The following PHACTR1 variants were observed in gnomAD, a reference collection of about 807,000 sequenced individuals.
PHACTR1 encodes phosphatase and actin regulator 1.
Under a neutral mutation model 69.2 loss-of-function variants are expected in PHACTR1, and 16 were observed. That is an observed-to-expected ratio of 0.23 (90% CI 0.16 to 0.35). The LOEUF (loss-of-function observed/expected upper bound fraction) is 0.35. PHACTR1 is among the 10% of genes least tolerant of loss of function. The probability of loss-of-function intolerance (pLI) is 1.00; values close to 1 mark genes in which losing one functional copy is unlikely to be tolerated. For missense variants in PHACTR1, 510 were observed against 734.7 expected (o/e 0.69, Z 3.54); for synonymous variants, 312 against 284.5 (o/e 1.10, Z -0.97).
intron 4 of PHACTR1, among the ~76,000 whole-genome samples, chr6:13,011,736 A>T (rs184588318): frequency 6.6e-6 from 1 of 152,384 alleles, no homozygotes; most frequent in Non-Finnish European, 1.5e-5. Flanking sequence ...ATACACATTT[A>T]CGGAAACATG....
intron 3 of PHACTR1, among the ~76,000 whole-genome samples, chr6:12,747,889 A>C (rs1048178247): frequency 6.6e-6 from 1 of 152,148 alleles, no homozygotes; most frequent in Admixed American, 6.5e-5. Context: ...AGGGCTCTTA[A>C]TGCCAGCATA....
rs567532544 is a variant in PHACTR1, at chr6:12,818,965, G to C, written c.250+69175G>C. On this transcript the variant is annotated intron_variant, in intron 4 of 14. Transcript: ENST00000332995. ...CCAGAAATGTCTTTGCAGGAGATAT[G>C]AGCTGGAAATAAAGCGCAGAGTTTG... Among the ~76,000 whole-genome samples the C allele has an allele frequency of 2.6e-5, 4 of 152,312 alleles. No individual in the cohort carries two copies. In the South Asian group the frequency reaches 8.3e-4, roughly 32 times the overall value.
At chr6:13,059,894 A>G (rs934152214) in intron 5 of PHACTR1, among the ~76,000 whole-genome samples, 3 of 152,272 alleles carry the variant, frequency 2.0e-5, no homozygotes, top group East Asian at 1.9e-4. Context: ...GGTCGTTTGC[A>G]TATATATAAT....
intron 4 of PHACTR1, among the ~76,000 whole-genome samples, chr6:12,902,747 A>T (rs1785338314): frequency 1.3e-5 from 2 of 152,234 alleles, no homozygotes; most frequent in African/African-American, 4.8e-5. Context: ...ATTCATCAAT[A>T]TATGAAGAAC....
intron 4 of PHACTR1, among the ~76,000 whole-genome samples, chr6:13,004,473 T>C (rs764493243): frequency 1.3e-5 from 2 of 152,196 alleles, no homozygotes; most frequent in Non-Finnish European, 2.9e-5. Flanking sequence ...ATGGGCTTAT[T>C]TGTATTTTGT....
chr6:12,892,930 C>T (rs1240017483), intron 4 of PHACTR1, among the ~76,000 whole-genome samples: 4 of 152,142 alleles, frequency 2.6e-5, no homozygotes, highest in Non-Finnish European at 2.9e-5. Flanking sequence ...AACACCTTTA[C>T]TTGGACCAGA....
chr6:12,756,467 G>A (rs1385491538), intron 4 of PHACTR1, among the ~76,000 whole-genome samples: 1 of 152,114 alleles, frequency 6.6e-6, no homozygotes, highest in Non-Finnish European at 1.5e-5. Flanking sequence ...ATAATGAAGG[G>A]TAGTTAAATA....
At chr6:13,160,567 T>C (rs1273290263) in intron 6 of PHACTR1, among the ~76,000 whole-genome samples, 1 of 152,198 alleles carries the variant, frequency 6.6e-6, no homozygotes, top group African/African-American at 2.4e-5. Context: ...CAGGCACTGG[T>C]TGTGAGTCTG....
intron 6 of PHACTR1, among the ~76,000 whole-genome samples, chr6:13,177,360 T>TTG (rs535051297): frequency 0.042 from 5,537 of 130,928 alleles, 332 homozygotes; most frequent in African/African-American, 0.13. Context: ...TGTCTCTCTC[T>TTG]TGCGCTCTCT....
chr6:12,786,362 T>C (rs1771545980), intron 4 of PHACTR1, among the ~76,000 whole-genome samples: 1 of 152,236 alleles, frequency 6.6e-6, no homozygotes, highest in Non-Finnish European at 1.5e-5. Flanking sequence ...AAATAATTCT[T>C]AATACAAATT....
intron 5 of PHACTR1, among the ~76,000 whole-genome samples, chr6:13,104,040 C>T (rs925354305): frequency 2.0e-5 from 3 of 152,148 alleles, no homozygotes; most frequent in Non-Finnish European, 4.4e-5. Flanking sequence ...GCTGAGATCG[C>T]ACTGCTGCAC....
At chr6:12,912,507 T>C (rs1786525971) in intron 4 of PHACTR1, among the ~76,000 whole-genome samples, 1 of 152,226 alleles carries the variant, frequency 6.6e-6, no homozygotes, top group Admixed American at 6.5e-5. Flanking sequence ...GAAGCTATGC[T>C]TGGTATAAAA....
At chr6:13,198,881 A>C (rs575874425) in intron 7 of PHACTR1, among the ~76,000 whole-genome samples, 1 of 152,300 alleles carries the variant, frequency 6.6e-6, no homozygotes, top group African/African-American at 2.4e-5. Flanking sequence ...TAGACCAACA[A>C]ATGTTGGTAA....
intron 5 of PHACTR1, among the ~76,000 whole-genome samples, chr6:13,105,204 C>T (rs1252939732): frequency 6.6e-6 from 1 of 151,988 alleles, no homozygotes; most frequent in Non-Finnish European, 1.5e-5. Context: ...ACAGGGAGAC[C>T]TTGTCTCTAC....
At chr6:12,835,404 G>A (rs746939914) in intron 4 of PHACTR1, among the ~76,000 whole-genome samples, 2 of 152,056 alleles carry the variant, frequency 1.3e-5, no homozygotes, top group Non-Finnish European at 2.9e-5. Flanking sequence ...GTTGCAGTAC[G>A]ACAGGCCTGA....
At chr6:13,039,243 G>A (rs1441564647) in intron 4 of PHACTR1, among the ~76,000 whole-genome samples, 1 of 152,190 alleles carries the variant, frequency 6.6e-6, no homozygotes, top group Non-Finnish European at 1.5e-5. Context: ...AACTAGGCAA[G>A]TGTTTGATAA....
At chr6:13,011,864 T>A (rs1208335493) in intron 4 of PHACTR1, among the ~76,000 whole-genome samples, 1 of 152,176 alleles carries the variant, frequency 6.6e-6, no homozygotes, top group Non-Finnish European at 1.5e-5. Flanking sequence ...CAGAACACAA[T>A]GCAGTAAATT....
intron 4 of PHACTR1, among the ~76,000 whole-genome samples, chr6:12,986,951 A>G (rs1358254719): frequency 6.6e-6 from 1 of 152,144 alleles, no homozygotes; most frequent in Non-Finnish European, 1.5e-5. Flanking sequence ...GCTACCTCAG[A>G]GTGGTTGATT....
At chr6:13,185,637 C>T (rs1249006068) in intron 7 of PHACTR1, among the ~76,000 whole-genome samples, 2 of 152,188 alleles carry the variant, frequency 1.3e-5, no homozygotes, top group African/African-American at 4.8e-5. Flanking sequence ...TGAAATTGTA[C>T]TTCACTGCAC....
Sources: gnomAD v4.1 joint callset for allele counts (sites outside exome capture counted in the v4.1 genomes callset) on GRCh38, gnomAD v4.1.1 for gene constraint, MANE v1.5 for transcripts, NCBI Gene and HGNC (gene_info 2026-07-23, HGNC 2026-07-21) for gene names.